The following STK32B variants were observed in gnomAD, a reference collection of about 807,000 sequenced individuals.
The protein encoded by STK32B is serine/threonine kinase 32B, also known as serine/threonine-protein kinase 32B.
A neutral mutation model predicts 52.6 loss-of-function variants in STK32B; 43 were observed. The observed-to-expected ratio is 0.82, with a 90% CI of 0.64 to 1.05. The LOEUF is 1.05. STK32B is among the 50% of genes least tolerant of loss of function. The pLI, the probability that STK32B is intolerant of heterozygous loss-of-function variation, is 0.00. For synonymous variants in STK32B, 238 were observed against 204.3 expected, an observed-to-expected ratio of 1.17 and a Z score of -1.41; for missense variants, 621 against 534.6, an observed-to-expected ratio of 1.16 and a Z score of -1.59.
chr4:5,385,161 T>C lies in STK32B; in HGVS notation c.435-13046T>C, dbSNP rs193065313. Among the ~76,000 whole-genome samples, 130 of 152,132 alleles carry C rather than the reference T, an allele frequency of 8.5e-4. 1 individual carries two copies. Among genetic ancestry groups the C allele is most frequent in the Non-Finnish European group, 1.2e-4 (8 of 67,992 alleles). On this transcript the variant is annotated intron_variant, in intron 4 of 11. Transcript: ENST00000282908. ...GGAGCAAGGGTGAGGCTTTCCCTCC[T>C]GGCCAGAGCTAGAGGGAATGGGGGA... is the stretch of plus-strand genomic sequence containing the variant.
At chr4:5,321,270 TA>T (rs374276151) in intron 3 of STK32B, among the ~76,000 whole-genome samples, 258 of 151,352 alleles carry the variant, frequency 1.7e-3, no homozygotes, top group African/African-American at 6.0e-3. Flanking sequence ...TCAATGGTAT[TA>T]AAAAAAAAGC....
the STK32B span, among the ~76,000 whole-genome samples, chr4:5,027,291 C>T: frequency 3.6e-4 from 55 of 152,268 alleles, no homozygotes; most frequent in Non-Finnish European, 6.9e-4. Flanking sequence ...TTATGAAAAG[C>T]GATTCATGTT....
intron 3 of STK32B, among the ~76,000 whole-genome samples, chr4:5,218,162 G>T (rs1214532756): frequency 6.6e-6 from 1 of 152,086 alleles, no homozygotes; most frequent in Non-Finnish European, 1.5e-5. Flanking sequence ...GCATGCCACT[G>T]GTAACACAGG....
chr4:5,278,434 G>A (rs1467336312), intron 3 of STK32B, among the ~76,000 whole-genome samples: 8 of 151,736 alleles, frequency 5.3e-5, no homozygotes, highest in African/African-American at 1.9e-4. Flanking sequence ...TGTGAGACAG[G>A]GAGTATGAAC....
In STK32B at chr4:5,499,937, G is replaced by C. The variant is rs1422408792; in HGVS notation, c.*854G>C. On this transcript the variant is annotated 3_prime_UTR_variant, in exon 12 of 12. Coordinates refer to ENST00000282908, the MANE Select transcript of STK32B (RefSeq NM_018401.3). ...TCTCCAACTCTCTATCAGCTTTCAG[G>C]GTTTTCTCTCCTGGGAAGGGTGTAA... The C allele has an allele frequency of 6.6e-6, 1 of 152,076 alleles. No homozygotes were observed. Among genetic ancestry groups the C allele is most frequent in the Non-Finnish European group, 1.5e-5 (1 of 68,098 alleles). The allele number at this position is 152,076 out of a possible 1,614,324, so 9.4% of individuals were successfully genotyped here. A position where few individuals can be genotyped will look rare whatever the true frequency, so the allele number is the denominator to read the frequency against.
At chr4:5,468,239 A>C (rs1717594768) in intron 11 of STK32B, among the ~76,000 whole-genome samples, 169 bp downstream of exon 11, 1 of 152,128 alleles carries the variant, frequency 6.6e-6, no homozygotes, top group Non-Finnish European at 1.5e-5. Context: ...CTGGATTTTG[A>C]ATTAGACAGG....
At chr4:5,494,964 T>A (rs1245920887) in intron 11 of STK32B, among the ~76,000 whole-genome samples, 4 of 152,232 alleles carry the variant, frequency 2.6e-5, no homozygotes, top group Admixed American at 1.3e-4. Context: ...CTGATGGGCT[T>A]CCCTTTGTGG....
chr4:5,101,712 G>C (rs1316070724), intron 1 of STK32B, among the ~76,000 whole-genome samples: 1 of 151,922 alleles, frequency 6.6e-6, no homozygotes, highest in Non-Finnish European at 1.5e-5. Context: ...CACCCTCTGG[G>C]ACTGACTAAC....
chr4:5,099,414 C>G (rs570264051), intron 1 of STK32B, among the ~76,000 whole-genome samples: 1 of 150,498 alleles, frequency 6.6e-6, no homozygotes, highest in South Asian at 2.1e-4. Flanking sequence ...TGTCTACCAG[C>G]AAGATTTCTG....
rs1733470310 is a variant in STK32B at position 5,346,553 on chromosome 4, G to A, written c.434+15160G>A. On this transcript the variant is annotated intron_variant, in intron 4 of 11. Coordinates refer to ENST00000282908, the MANE Select transcript of STK32B (RefSeq NM_018401.3). ...CATAATTGATGCAGGGAGGGATTGG[G>A]GTCACCCTGTGTGTAGACAGGGTCC... Among the ~76,000 whole-genome samples the A allele has an allele frequency of 3.9e-5, 6 of 152,134 alleles. No homozygotes were observed. The South Asian group carries it at 1.0e-3, about 26-fold the overall frequency.
At chr4:5,206,815 G>A (rs1439473871) in intron 3 of STK32B, among the ~76,000 whole-genome samples, 1 of 152,172 alleles carries the variant, frequency 6.6e-6, no homozygotes, top group Non-Finnish European at 1.5e-5. Flanking sequence ...GAGAGAACAA[G>A]TTCAGGGCTG....
intron 1 of STK32B, among the ~76,000 whole-genome samples, chr4:5,061,119 A>G (rs1252549945): frequency 6.6e-6 from 1 of 152,180 alleles, no homozygotes; most frequent in African/African-American, 2.4e-5. Flanking sequence ...TCAAACTCAA[A>G]TTGCAAAAGC....
At position 5,460,135 on chromosome 4, in the gene STK32B, C is replaced by T. The variant is rs762629508; in HGVS notation, c.816C>T (p.Ser272=). 6.2e-7 allele frequency: 1 copy of T among 1,614,214 alleles called. No homozygotes were observed. The highest frequency in any genetic ancestry group is 1.7e-5 in the Admixed American group (1 of 60,030). ...CCAAGGATCCTGAGAGCCGCGTGTC[C>T]AGCCTTCATGACATACAGAGCGTGC... The part of the protein sequence containing the change: ...LLTKDPESRV[S]SLHDIQSVPY... Residue 272 remains serine (S), a synonymous_variant, in exon 9 of 12, where the codon TCC becomes TCT. Transcript: ENST00000282908. The surrounding 1 kb of genome is among the most constrained non-coding windows in gnomAD (Gnocchi z 4.8).
chr4:5,430,251 A>G (rs1005820957), intron 6 of STK32B, among the ~76,000 whole-genome samples: 2 of 152,054 alleles, frequency 1.3e-5, no homozygotes, highest in African/African-American at 2.4e-5. Flanking sequence ...CCCTCACAAT[A>G]TTTACATGCC....
At position 5,230,208 on chromosome 4, in the gene STK32B, T is replaced by TTTG. The variant is rs58022709; in HGVS notation, c.260+61759_260+61760insTGT. Among the ~76,000 whole-genome samples the TTTG allele has an allele frequency of 8.6e-3, 888 of 103,450 alleles. 38 individuals are homozygous for TTTG. Among genetic ancestry groups the TTTG allele is most frequent in the Admixed American group, 0.032 (265 of 8,222 alleles). 67.9% of individuals were successfully genotyped at this position (103,450 alleles called of 152,430 possible). On this transcript the variant is annotated intron_variant, in intron 3 of 11. Coordinates refer to ENST00000282908, the MANE Select transcript of STK32B (RefSeq NM_018401.3). ...TTTTTTTTTTTTTTTTTTTTTTTTT[T>TTTG]TAGTGGAGTCTTGCACCGTCGCCCA...
intron 1 of STK32B, among the ~76,000 whole-genome samples, chr4:5,083,948 G>A (rs1341626405): frequency 6.6e-6 from 1 of 152,108 alleles, no homozygotes; most frequent in Non-Finnish European, 1.5e-5. Flanking sequence ...TGTTGGCCAG[G>A]CTAGTCTTGA....
chr4:5,173,534 T>G (rs1469125643), intron 3 of STK32B, among the ~76,000 whole-genome samples: 1 of 152,162 alleles, frequency 6.6e-6, no homozygotes, highest in Non-Finnish European at 1.5e-5. Flanking sequence ...AAAGAACATC[T>G]TTATTTCTGC....
chr4:5,032,499 A>AAAAAAG, the STK32B span, among the ~76,000 whole-genome samples: 1 of 150,058 alleles, frequency 6.7e-6, no homozygotes, highest in African/African-American at 2.5e-5. Context: ...AAAAAAAAAA[A>AAAAAAG]AAGAAGAAAG....
intron 7 of STK32B, among the ~76,000 whole-genome samples, chr4:5,454,905 C>A (rs1716360776): frequency 6.6e-6 from 1 of 152,018 alleles, no homozygotes; most frequent in African/African-American, 2.4e-5. Context: ...AGTAACTTTC[C>A]CATTAGATTA....
Sources: allele counts gnomAD v4.1 joint callset (sites outside exome capture counted in the v4.1 genomes callset), GRCh38; gene constraint gnomAD v4.1.1; non-coding constraint Gnocchi (gnomAD v3.1); transcripts MANE v1.5; gene names NCBI Gene and HGNC (gene_info 2026-07-23, HGNC 2026-07-21).